Variants in NACC2 observed in about 807,000 individuals in gnomAD.
NACC2 encodes the protein NACC family member 2.
In NACC2, 8 loss-of-function variants were observed where a neutral mutation model predicts 25.1. The observed-to-expected ratio is 0.32, with a 90% confidence interval of 0.19 to 0.57. The LOEUF (loss-of-function observed/expected upper bound fraction) is 0.57, where lower values mean the gene tolerates loss of function less well. NACC2 is among the 20% of genes least tolerant of loss of function. The probability of loss-of-function intolerance (pLI) is 0.89; values close to 1 mark genes in which losing one functional copy is unlikely to be tolerated. For missense variants in NACC2, 644 were observed against 650.2 expected, an observed-to-expected ratio of 0.99 and a Z score of 0.10; for synonymous variants, 435 against 294.7, an observed-to-expected ratio of 1.48 and a Z score of -4.88.
At chr9:136,067,947 T>C (rs1841107091) in intron 1 of NACC2, among the ~76,000 whole-genome samples, 2 of 152,170 alleles carry the variant, frequency 1.3e-5, no homozygotes, top group Non-Finnish European at 1.5e-5. Flanking sequence ...CTGTACTGAA[T>C]AGCATAGGCA....
chr9:136,079,120 C>T (rs141321337), intron 1 of NACC2, among the ~76,000 whole-genome samples: 6 of 152,006 alleles, frequency 3.9e-5, no homozygotes, highest in African/African-American at 1.2e-4. Context: ...AATCTACTCA[C>T]GTATGTCTGT....
chr9:136,011,436 G>T lies in NACC2; in HGVS notation c.*80C>A. On this transcript the variant is annotated 3_prime_UTR_variant, in exon 6 of 6. Transcript: ENST00000277554. ...ACAGTAGCAGTTCAGTAGGTAAGTG[G>T]CTTGATCACATTTGTTTGTATTAGT... 7.9e-7 allele frequency: 1 copy of T among 1,271,686 alleles called. No individual in the cohort carries two copies. The allele number at this position is 1,271,686 out of a possible 1,614,324, so 78.8% of individuals were successfully genotyped here.
rs1840018631 is a variant in NACC2 at position 136,006,782 on chromosome 9, G to A, written c.*4734C>T. The A allele has an allele frequency of 6.6e-6, 1 of 151,438 alleles. No homozygotes were observed. The highest frequency in any genetic ancestry group is 2.4e-5 in the African/African-American group (1 of 41,130). The allele number at this position is 151,438 out of a possible 1,614,324, so 9.4% of individuals were successfully genotyped here. ...GTAACAGCACAAAAACAGAGTGAGGGCTCAGGAAAACAAAACAAAGGCTTC... is the reference window on the plus strand; with the variant it reads ...GTAACAGCACAAAAACAGAGTGAGGACTCAGGAAAACAAAACAAAGGCTTC... On this transcript the variant is annotated 3_prime_UTR_variant, in exon 6 of 6. Coordinates refer to ENST00000277554, the MANE Select transcript of NACC2 (RefSeq NM_144653.5).
chr9:136,012,042 C>T lies in NACC2; in HGVS notation c.1256-18G>A, dbSNP rs372818779. ...ACAGTACACTGTGAGGACGGGGCGG[C>T]GTGAGCTCAGCCACCTGCCTGCCGG... On this transcript the variant is annotated intron_variant, in intron 5 of 5. Coordinates refer to ENST00000277554, the MANE Select transcript of NACC2 (RefSeq NM_144653.5). 231 of 1,512,260 alleles carry T rather than the reference C, an allele frequency of 1.5e-4. No individual in the cohort carries two copies. Among genetic ancestry groups the T allele is most frequent in the Middle Eastern group, 3.5e-4 (2 of 5,766 alleles). 93.7% of individuals were successfully genotyped at this position (1,512,260 alleles called of 1,614,324 possible).
At chr9:136,039,512 C>A (rs1031096892) in intron 2 of NACC2, among the ~76,000 whole-genome samples, 1 of 152,154 alleles carries the variant, frequency 6.6e-6, no homozygotes, top group East Asian at 1.9e-4. Context: ...CAAAACCAGA[C>A]AAAGACATTA....
Position 136,095,251 on chromosome 9 carries a change from C to G in NACC2, c.-122G>C, listed in dbSNP as rs1364699133. Reference sequence around the variant, plus strand: ...GGCGCGCCGCCCGCGGCAGGAAGTGCTTGGCGTCCCGGCGCTCCGGCTCCC... The same window carrying G: ...GGCGCGCCGCCCGCGGCAGGAAGTGGTTGGCGTCCCGGCGCTCCGGCTCCC... On this transcript the variant is annotated 5_prime_UTR_variant, in exon 1 of 6. Transcript: ENST00000277554. 3.4e-5 allele frequency: 5 copies of G among 147,524 alleles called. No homozygotes were observed. Among genetic ancestry groups the G allele is most frequent in the Non-Finnish European group, 7.6e-5 (5 of 66,208 alleles). 9.1% of individuals were successfully genotyped at this position (147,524 alleles called of 1,614,324 possible).
intron 1 of NACC2, among the ~76,000 whole-genome samples, chr9:136,062,891 T>C (rs1327642289): frequency 6.6e-6 from 1 of 152,202 alleles, no homozygotes; most frequent in South Asian, 2.1e-4. Flanking sequence ...TACTCCAGTC[T>C]GGGCAACAGG....
At chr9:136,076,224 G>C (rs1018126401) in intron 1 of NACC2, among the ~76,000 whole-genome samples, 1 of 152,104 alleles carries the variant, frequency 6.6e-6, no homozygotes, top group African/African-American at 2.4e-5. Flanking sequence ...AACCCCAAGG[G>C]GCAGCGTTTC....
rs1840911063 is a variant in NACC2, at chr9:136,055,493, C to T, written c.-59-4913G>A. On this transcript the variant is annotated intron_variant, in intron 1 of 5. Transcript: ENST00000277554. This position sits in a 1 kb window ranked among gnomAD's most constrained non-coding sequence, Gnocchi z 4.9. ...TTCCTGGGGCCCAGCCAGGCAGCTC[C>T]ATGGTCTGAGGGCCTCGCCCAGAGT... Among the ~76,000 whole-genome samples, 1 of 152,150 alleles carries T rather than the reference C, an allele frequency of 6.6e-6. No individual in the cohort carries two copies. Among genetic ancestry groups the T allele is most frequent in the Non-Finnish European group, 1.5e-5 (1 of 68,022 alleles).
At chr9:136,052,445 G>A (rs907815510) in intron 1 of NACC2, among the ~76,000 whole-genome samples, 1 of 151,978 alleles carries the variant, frequency 6.6e-6, no homozygotes, top group African/African-American at 2.4e-5. Context: ...GCCAGGGGGA[G>A]GGGGTGAGGG....
chr9:136,023,535 C>G (rs540635273), intron 2 of NACC2, among the ~76,000 whole-genome samples: 2 of 152,308 alleles, frequency 1.3e-5, no homozygotes, highest in East Asian at 1.9e-4. Flanking sequence ...TCCTGCAAAT[C>G]CCAGCACCCA....
At chr9:136,061,692 G>A (rs1841012776) in intron 1 of NACC2, among the ~76,000 whole-genome samples, 1 of 152,158 alleles carries the variant, frequency 6.6e-6, no homozygotes, top group Admixed American at 6.5e-5. Flanking sequence ...TCAGAAAGAG[G>A]CAGATCGGAG....
In NACC2 at chr9:136,007,695, C is replaced by A. The variant is rs993919535; in HGVS notation, c.*3821G>T. Reference sequence around the variant, plus strand: ...CTCTGGATTCTGCGCTTAGGACTCGCTGCTGGCAGAGGCAGACAGAGGGTT... The same window carrying A: ...CTCTGGATTCTGCGCTTAGGACTCGATGCTGGCAGAGGCAGACAGAGGGTT... On this transcript the variant is annotated 3_prime_UTR_variant, in exon 6 of 6. Coordinates refer to ENST00000277554, the MANE Select transcript of NACC2 (RefSeq NM_144653.5). 6.6e-6 allele frequency: 1 copy of A among 152,288 alleles called. No individual in the cohort carries two copies. Among genetic ancestry groups the A allele is most frequent in the African/African-American group, 2.4e-5 (1 of 41,462 alleles). 9.4% of individuals were successfully genotyped at this position (152,288 alleles called of 1,614,324 possible). A position where few individuals can be genotyped will look rare whatever the true frequency, so the allele number is the denominator to read the frequency against.
intron 1 of NACC2, among the ~76,000 whole-genome samples, chr9:136,071,609 AAT>A (rs1382500904): frequency 6.6e-6 from 1 of 151,986 alleles, no homozygotes; most frequent in African/African-American, 2.4e-5. Flanking sequence ...CTCATTCTTA[AAT>A]ATATATGAAA....
In NACC2 at chr9:136,077,598, C is replaced by T. The variant is rs982196489; in HGVS notation, c.-60+17591G>A. Among the ~76,000 whole-genome samples, 4 of 151,982 alleles carry T rather than the reference C, an allele frequency of 2.6e-5. No individual in the cohort carries two copies. In the East Asian group the frequency reaches 5.8e-4, roughly 22 times the overall value. ...TACAAATCCATCAAGAAAAGGGAAA[C>T]GCACAGAGGAGGGAGGGGCAAGAGC... On this transcript the variant is annotated intron_variant, in intron 1 of 5. Transcript: ENST00000277554.
At chr9:136,087,542 AG>A (rs1383381912) in intron 1 of NACC2, among the ~76,000 whole-genome samples, 1 of 152,184 alleles carries the variant, frequency 6.6e-6, no homozygotes, top group Non-Finnish European at 1.5e-5. Flanking sequence ...CGGCTGGGGA[AG>A]GGCCCCGCAG....
At position 136,020,488 on chromosome 9, in the gene NACC2, T is replaced by C. The variant is rs1352403522; in HGVS notation, c.887-4059A>G. ...CCCACCAGGGGAGTCTGTGCGGATGTGGGCGGCAGTGGCGAGTGGTAGGGC... is the reference window on the plus strand; with the variant it reads ...CCCACCAGGGGAGTCTGTGCGGATGCGGGCGGCAGTGGCGAGTGGTAGGGC... On this transcript the variant is annotated intron_variant, in intron 2 of 5. Transcript: ENST00000277554. This position sits in a 1 kb window ranked among gnomAD's most constrained non-coding sequence, Gnocchi z 4.7. Among the ~76,000 whole-genome samples the C allele has an allele frequency of 6.6e-6, 1 of 152,114 alleles. No homozygotes were observed. The highest frequency in any genetic ancestry group is 1.5e-5 in the Non-Finnish European group (1 of 68,018).
chr9:136,063,570 T>C (rs900417643), intron 1 of NACC2, among the ~76,000 whole-genome samples: 1 of 152,132 alleles, frequency 6.6e-6, no homozygotes, highest in African/African-American at 2.4e-5. Context: ...GGGAAGGGTA[T>C]GCACAAACAA....
chr9:136,048,029 T>C (rs1258773231), intron 2 of NACC2, among the ~76,000 whole-genome samples: 2 of 152,210 alleles, frequency 1.3e-5, no homozygotes, highest in Non-Finnish European at 2.9e-5. Context: ...TCCATCTCCA[T>C]GGTGCAGCTC....
Sources: gnomAD v4.1 joint callset for allele counts (sites outside exome capture counted in the v4.1 genomes callset) on GRCh38, gnomAD v4.1.1 for gene constraint, Gnocchi (gnomAD v3.1) non-coding constraint, MANE v1.5 for transcripts, NCBI Gene and HGNC (gene_info 2026-07-23, HGNC 2026-07-21) for gene names.